WWOX: variants seen among roughly 807,000 people sequenced by gnomAD.
The protein encoded by WWOX is WW domain containing oxidoreductase.
WWOX carries 69 observed loss-of-function variants against 46.2 expected under a neutral mutation model. The observed-to-expected ratio is 1.49, with a 90% CI of 1.23 to 1.82. The LOEUF (loss-of-function observed/expected upper bound fraction) is 1.82, where lower values mean the gene tolerates loss of function less well. Ranked by LOEUF, WWOX falls within the 40% of genes most tolerant of loss-of-function variation. The pLI is 0.00. For synonymous variants in WWOX, 359 were observed against 202.6 expected, an observed-to-expected ratio of 1.77 and a Z score of -6.56; for missense variants, 919 against 542.6, an observed-to-expected ratio of 1.69 and a Z score of -6.89.
intron 8 of WWOX, among the ~76,000 whole-genome samples, chr16:78,752,505 T>A (rs1052271049): frequency 2.6e-5 from 4 of 152,144 alleles, no homozygotes; most frequent in African/African-American, 7.2e-5. Context: ...CCAGGCTAGT[T>A]TCTAACTCCT....
chr16:78,115,434 A>G (rs906243000), intron 4 of WWOX, among the ~76,000 whole-genome samples: 1 of 152,164 alleles, frequency 6.6e-6, no homozygotes. Flanking sequence ...TCCGTCTAAG[A>G]GTTTTTGACC....
chr16:78,670,820 G>C (rs901049896), intron 8 of WWOX, among the ~76,000 whole-genome samples: 2 of 151,960 alleles, frequency 1.3e-5, no homozygotes, highest in African/African-American at 4.8e-5. Context: ...CCAGAAATAA[G>C]GTCTTTATAG....
At chr16:78,459,364 T>A (rs1169866434) in intron 8 of WWOX, among the ~76,000 whole-genome samples, 1 of 152,236 alleles carries the variant, frequency 6.6e-6, no homozygotes, top group East Asian at 1.9e-4. Flanking sequence ...TTTTCTTGCA[T>A]AAGTAACTGG....
chr16:78,569,533 T>A (rs1022344236), intron 8 of WWOX, among the ~76,000 whole-genome samples: 1 of 152,208 alleles, frequency 6.6e-6, no homozygotes, highest in Non-Finnish European at 1.5e-5. Context: ...TTTGTACATA[T>A]ATGATTATGA....
At chr16:78,678,325 A>G (rs968307422) in intron 8 of WWOX, among the ~76,000 whole-genome samples, 2 of 152,210 alleles carry the variant, frequency 1.3e-5, no homozygotes, top group Non-Finnish European at 2.9e-5. Flanking sequence ...GCAGTAGGGT[A>G]TGAGCGGGCC....
chr16:78,917,625 C>G lies in WWOX; in HGVS notation c.1057-293983C>G, dbSNP rs117617715. ...TGCAGCTGCAGCCCTTCTACTTGAACTTTCCCACTCATTGCCCTTATAACT... is the reference window on the plus strand; with the variant it reads ...TGCAGCTGCAGCCCTTCTACTTGAAGTTTCCCACTCATTGCCCTTATAACT... On this transcript the variant is annotated intron_variant, in intron 8 of 8. Coordinates refer to ENST00000566780, the MANE Select transcript of WWOX (RefSeq NM_016373.4). Among the ~76,000 whole-genome samples the G allele has an allele frequency of 3.3e-5, 5 of 152,212 alleles. No homozygotes were observed. The East Asian group carries it at 9.7e-4, about 29-fold the overall frequency.
At chr16:78,143,905 T>C (rs1357648725) in intron 4 of WWOX, among the ~76,000 whole-genome samples, 1 of 152,170 alleles carries the variant, frequency 6.6e-6, no homozygotes, top group African/African-American at 2.4e-5. Flanking sequence ...CGGATCAGCT[T>C]TCTTTTTCTT....
chr16:79,126,025 A>G (rs1870519659), intron 8 of WWOX, among the ~76,000 whole-genome samples: 1 of 152,160 alleles, frequency 6.6e-6, no homozygotes, highest in Non-Finnish European at 1.5e-5. Flanking sequence ...TGTTTACTGA[A>G]TGAATGGATA....
Position 78,515,983 on chromosome 16 carries a change from C to A in WWOX, c.1056+83231C>A, listed in dbSNP as rs28464015. Among the ~76,000 whole-genome samples, 547 of 152,228 alleles carry A rather than the reference C, an allele frequency of 3.6e-3. 3 individuals are homozygous for A. The highest frequency in any genetic ancestry group is 0.01 in the Middle Eastern group (3 of 294). On this transcript the variant is annotated intron_variant, in intron 8 of 8. Coordinates refer to ENST00000566780, the MANE Select transcript of WWOX (RefSeq NM_016373.4). ...AATCAATCAGTCTCTCTCCTTCCATCCCCCCTTGTCCCCCTTTTCTCTTCT... is the reference window on the plus strand; with the variant it reads ...AATCAATCAGTCTCTCTCCTTCCATACCCCCTTGTCCCCCTTTTCTCTTCT...
chr16:79,067,444 G>T (rs1368031799), intron 8 of WWOX, among the ~76,000 whole-genome samples: 1 of 152,000 alleles, frequency 6.6e-6, no homozygotes, highest in East Asian at 1.9e-4. Context: ...CTCCACGTTT[G>T]GGCTTCCCTC....
intron 8 of WWOX, among the ~76,000 whole-genome samples, chr16:78,486,279 T>C (rs894445145): frequency 3.3e-5 from 5 of 152,238 alleles, no homozygotes; most frequent in African/African-American, 9.6e-5. Context: ...TACCATTTTA[T>C]GTATGTAAAG....
At chr16:79,122,541 T>G (rs2049659294) in intron 8 of WWOX, among the ~76,000 whole-genome samples, 1 of 151,998 alleles carries the variant, frequency 6.6e-6, no homozygotes, top group African/African-American at 2.4e-5. Flanking sequence ...CTATCCTTCC[T>G]TTTTGTCCCT....
At chr16:79,065,053 C>T (rs905554829) in intron 8 of WWOX, among the ~76,000 whole-genome samples, 1 of 152,160 alleles carries the variant, frequency 6.6e-6, no homozygotes, top group African/African-American at 2.4e-5. Context: ...ACGTGTATGC[C>T]TGTGTGTGTC....
At chr16:79,196,905 G>T (rs909627734) in intron 8 of WWOX, among the ~76,000 whole-genome samples, 6 of 152,154 alleles carry the variant, frequency 3.9e-5, no homozygotes, top group African/African-American at 1.4e-4. Context: ...CGGGAGTTCG[G>T]TGTCACCCTG....
intron 5 of WWOX, among the ~76,000 whole-genome samples, chr16:78,196,306 A>C (rs529829573): frequency 1.3e-5 from 2 of 152,338 alleles, no homozygotes; most frequent in East Asian, 3.9e-4. Context: ...AGTACATTTC[A>C]TATTTTACAT....
chr16:78,102,217 G>A (rs951901124), intron 1 of WWOX, among the ~76,000 whole-genome samples: 1 of 152,282 alleles, frequency 6.6e-6, no homozygotes, highest in Admixed American at 6.5e-5. Flanking sequence ...AGCCCAGAGC[G>A]GTGTTTTGAG....
chr16:78,248,467 T>C lies in WWOX; in HGVS notation c.516+84178T>C, dbSNP rs993716097. On this transcript the variant is annotated intron_variant, in intron 5 of 8. Coordinates refer to ENST00000566780, the MANE Select transcript of WWOX (RefSeq NM_016373.4). The stretch of plus-strand genomic sequence containing the variant: ...ATTTGGACATGAAGGCTGGGTGCGG[T>C]GGCACACTCTGTAATCCCAGCACTT... Among the ~76,000 whole-genome samples the C allele has an allele frequency of 3.3e-5, 5 of 152,244 alleles. No individual in the cohort carries two copies. In the East Asian group the frequency reaches 9.7e-4, roughly 29 times the overall value.
At chr16:78,479,411 A>T (rs546686095) in intron 8 of WWOX, among the ~76,000 whole-genome samples, 2 of 152,334 alleles carry the variant, frequency 1.3e-5, no homozygotes, top group East Asian at 3.9e-4. Context: ...TTTCATTGTA[A>T]TGTTTTAAAG....
intron 8 of WWOX, among the ~76,000 whole-genome samples, chr16:78,958,875 G>A (rs1043689370): frequency 3.9e-5 from 6 of 152,186 alleles, no homozygotes; most frequent in South Asian, 2.1e-4. Flanking sequence ...AAAAAAACAT[G>A]TTTGTTGCAT....
Sources: gnomAD v4.1 joint callset for allele counts (sites outside exome capture counted in the v4.1 genomes callset) on GRCh38, gnomAD v4.1.1 for gene constraint, MANE v1.5 for transcripts, NCBI Gene and HGNC (gene_info 2026-07-23, HGNC 2026-07-21) for gene names.